Variants in POSTN observed in about 807,000 individuals in gnomAD.
POSTN encodes the protein osteoblast specific factor 2 (fasciclin I-like).
In POSTN, 71 loss-of-function variants were observed where a neutral mutation model predicts 104.5. That is an observed-to-expected ratio of 0.68 (90% confidence interval 0.56 to 0.83). POSTN has a LOEUF of 0.83. POSTN is among the 40% of genes least tolerant of loss of function. POSTN has a pLI of 0.00. For missense variants in POSTN, 949 were observed against 1,006.8 expected (o/e 0.94, Z 0.78); for synonymous variants, 355 against 340.7 (o/e 1.04, Z -0.46).
intron 2 of POSTN, among the ~76,000 whole-genome samples, chr13:37,594,841 C>A (rs550574812): frequency 2.0e-3 from 299 of 152,258 alleles, no homozygotes; most frequent in Non-Finnish European, 3.9e-3. Flanking sequence ...CAGAAGCAAG[C>A]AGATGGCAGA....
At chr13:37,563,418 T>C in intron 22 of POSTN, 48 bp from the exon 23 acceptor site, 1 of 1,290,458 alleles carries the variant, frequency 7.7e-7, no homozygotes, top group Non-Finnish European at 1.1e-6. Context: ...GTTAGGAAAT[T>C]TTAAAATTTA....
chr13:37,582,641 A>G (rs76519883), intron 9 of POSTN, 127 bp from the exon 10 acceptor site: 10,385 of 838,296 alleles, frequency 0.012, 104 homozygotes, highest in Middle Eastern at 0.028. Context: ...TTGCACTCAT[A>G]TAATACATGA....
intron 6 of POSTN, 83 bp downstream of exon 6, chr13:37,586,699 A>T (rs565236511): frequency 1.4e-6 from 2 of 1,390,792 alleles, no homozygotes; most frequent in African/African-American, 1.5e-5. Flanking sequence ...TGCCAGATTT[A>T]ATAGCATTTT....
chr13:37,574,777 C>A, intron 16 of POSTN, 125 bp from the exon 17 acceptor site: 1 of 1,230,480 alleles, frequency 8.1e-7, no homozygotes, highest in Non-Finnish European at 1.1e-6. Context: ...GTAATATGTT[C>A]AGGCAGTCAG....
chr13:37,590,962 T>C (rs1441700684), intron 3 of POSTN, among the ~76,000 whole-genome samples: 1 of 152,218 alleles, frequency 6.6e-6, no homozygotes, highest in Non-Finnish European at 1.5e-5. Context: ...TCCAGATTAT[T>C]TCTCCCGAAC....
rs774848862 is a variant in POSTN, at chr13:37,577,815, A to G, written c.1963-17T>C. The stretch of plus-strand genomic sequence containing the variant: ...ACGAACAAACTGAAAATAAATGTTT[A>G]TATTTAGTAACATGAAAGGTGATAG... On this transcript the variant is annotated splice_polypyrimidine_tract_variant and intron_variant, in intron 15 of 22. Coordinates refer to ENST00000379747, the MANE Select transcript of POSTN (RefSeq NM_006475.3). The G allele has an allele frequency of 5.0e-6, 8 of 1,613,338 alleles. No individual in the cohort carries two copies. The highest frequency in any genetic ancestry group is 1.3e-5 in the African/African-American group (1 of 75,036).
chr13:37,588,394 A>G (rs1022836471), intron 4 of POSTN, among the ~76,000 whole-genome samples: 6 of 152,224 alleles, frequency 3.9e-5, no homozygotes, highest in Non-Finnish European at 8.8e-5. Context: ...TGTTTATTCC[A>G]TAACAAATTC....
intron 16 of POSTN, among the ~76,000 whole-genome samples, chr13:37,577,520 T>C (rs867198622): frequency 1.3e-5 from 2 of 152,236 alleles, no homozygotes; most frequent in Non-Finnish European, 2.9e-5. Context: ...ATATTATATT[T>C]TGCTGTCTTT....
At chr13:37,582,026 G>A (rs1017087318) in intron 10 of POSTN, among the ~76,000 whole-genome samples, 1 of 152,062 alleles carries the variant, frequency 6.6e-6, no homozygotes, top group Non-Finnish European at 1.5e-5. Context: ...ATGGTGTGTA[G>A]GCAGAGAACA....
intron 16 of POSTN, among the ~76,000 whole-genome samples, chr13:37,575,306 A>G (rs1950372916): frequency 6.7e-6 from 1 of 150,302 alleles, no homozygotes; most frequent in African/African-American, 2.4e-5. Context: ...AAAGGTATAT[A>G]TTTTAAACGT....
At chr13:37,583,811 T>C (rs533048430) in intron 9 of POSTN, among the ~76,000 whole-genome samples, 158 bp downstream of exon 9, 4 of 152,294 alleles carry the variant, frequency 2.6e-5, no homozygotes, top group African/African-American at 9.6e-5. Flanking sequence ...AAGAACATTT[T>C]AGTAGAGACC....
At chr13:37,571,124 A>T (rs1950251572) in intron 18 of POSTN, 1 of 405,856 alleles carries the variant, frequency 2.5e-6, no homozygotes, top group Admixed American at 4.3e-5. Flanking sequence ...TATATGCAAA[A>T]ATCATGACAT....
chr13:37,564,378 T>A (rs1306021486), intron 22 of POSTN, 141 bp downstream of exon 22: 2 of 559,424 alleles, frequency 3.6e-6, no homozygotes, highest in African/African-American at 1.9e-5. Context: ...ATCAAAATTG[T>A]TTTCATCAAA....
At chr13:37,595,405 A>G (rs1951056798) in intron 2 of POSTN, among the ~76,000 whole-genome samples, 1 of 152,220 alleles carries the variant, frequency 6.6e-6, no homozygotes, top group Non-Finnish European at 1.5e-5. Context: ...TCTGCACAAT[A>G]ATAGGAATAA....
intron 4 of POSTN, among the ~76,000 whole-genome samples, chr13:37,589,490 C>T (rs1329880384): frequency 2.0e-5 from 3 of 151,898 alleles, no homozygotes; most frequent in African/African-American, 4.8e-5. Context: ...TAATGCTATC[C>T]CTCCCCCCTC....
In POSTN at chr13:37,562,640, T is replaced by C. The variant is rs1359653510; in HGVS notation, c.*693A>G. ...TTACAGTAAAAGAGGTATAAAGTCC[T>C]GTTCCCAAGTCCAAACCACTTTTTA... On this transcript the variant is annotated 3_prime_UTR_variant, in exon 23 of 23. Coordinates refer to ENST00000379747, the MANE Select transcript of POSTN (RefSeq NM_006475.3). 6.6e-6 allele frequency: 1 copy of C among 152,218 alleles called. No homozygotes were observed. Among genetic ancestry groups the C allele is most frequent in the Non-Finnish European group, 1.5e-5 (1 of 68,046 alleles). The allele number at this position is 152,218 out of a possible 1,614,324, so 9.4% of individuals were successfully genotyped here.
Position 37,571,355 on chromosome 13 carries a change from C to A in POSTN, c.2179+14G>T, listed in dbSNP as rs764674791. The A allele has an allele frequency of 2.6e-6, 4 of 1,559,912 alleles. No homozygotes were observed. In the South Asian group the frequency reaches 4.5e-5, roughly 18 times the overall value. On this transcript the variant is annotated intron_variant, in intron 18 of 22. Transcript: ENST00000379747. ...AGCGAAGGTAGTCGGCCCCAGGTAA[C>A]ATAAGGAACGCACCTCCATGGATCA...
At chr13:37,565,045 C>G (rs945201694) in intron 21 of POSTN, 1 of 152,768 alleles carries the variant, frequency 6.5e-6, no homozygotes, top group African/African-American at 2.4e-5. Flanking sequence ...TGTACATTGA[C>G]GACAACAAAG....
chr13:37,596,313 G>A (rs1407450834), intron 2 of POSTN, among the ~76,000 whole-genome samples: 1 of 152,044 alleles, frequency 6.6e-6, no homozygotes, highest in Non-Finnish European at 1.5e-5. Flanking sequence ...CTTGACTGGG[G>A]ATGACACCTA....
Sources: allele counts gnomAD v4.1 joint callset (sites outside exome capture counted in the v4.1 genomes callset), GRCh38; gene constraint gnomAD v4.1.1; transcripts MANE v1.5; gene names NCBI Gene and HGNC (gene_info 2026-07-23, HGNC 2026-07-21).